The following TG variants were observed in gnomAD, a reference collection of about 807,000 sequenced individuals.
TG encodes thyroid hormones.
TG carries 270 observed loss-of-function variants against 324.7 expected under a neutral mutation model. That is an observed-to-expected ratio of 0.83 (90% CI 0.75 to 0.92). TG has a LOEUF of 0.92. Ranked by LOEUF, TG falls within the 40% of genes least tolerant of loss-of-function variation. The pLI is 0.00. For missense variants in TG, 3,591 were observed against 3,456.4 expected, an observed-to-expected ratio of 1.04 and a Z score of -0.98; for synonymous variants, 1,401 against 1,327.0, an observed-to-expected ratio of 1.06 and a Z score of -1.21.
At chr8:133,038,808 G>A (rs569406726) in intron 41 of TG, 21 of 993,180 alleles carry the variant, frequency 2.1e-5, no homozygotes, top group African/African-American at 1.8e-4. Context: ...GGAGATAAAG[G>A]GCAAGAGAAT....
At chr8:132,893,569 TGTGTGTGTGTG>T (rs1399276581) in intron 10 of TG, 110 bp from the exon 11 acceptor site, 116 of 1,147,954 alleles carry the variant, frequency 1.0e-4, no homozygotes, top group South Asian at 3.1e-4. Flanking sequence ...ATGTGTGTGG[TGTGTGTGTGTG>T]GTGTGTGTGT....
chr8:132,897,862 GAGGCAAGTGA>G (rs1292643990), intron 12 of TG, 76 bp downstream of exon 12: 1 of 1,559,428 alleles, frequency 6.4e-7, no homozygotes, highest in East Asian at 2.3e-5. Context: ...CCCACACTGG[GAGGCAAGTGA>G]GCTGGACTCT....
intron 41 of TG, among the ~76,000 whole-genome samples, chr8:133,079,419 T>C (rs1299799928): frequency 1.3e-5 from 2 of 152,210 alleles, no homozygotes; most frequent in Non-Finnish European, 2.9e-5. Context: ...TTCCCCTATG[T>C]AAAAACTAGC....
intron 43 of TG, among the ~76,000 whole-genome samples, chr8:133,098,747 A>C (rs1397743105): frequency 6.6e-6 from 1 of 152,214 alleles, no homozygotes; most frequent in East Asian, 1.9e-4. Flanking sequence ...AATGCCATCC[A>C]TCAGGGAGGG....
At chr8:133,077,209 T>G (rs1325511032) in intron 41 of TG, among the ~76,000 whole-genome samples, 1 of 152,092 alleles carries the variant, frequency 6.6e-6, no homozygotes, top group Non-Finnish European at 1.5e-5. Context: ...TAAAAGTTTT[T>G]GGGAAAGACA....
Position 132,923,460 on chromosome 8 carries a change from C to T in TG, c.4651C>T (p.Leu1551=), listed in dbSNP as rs749372180. 2 of 1,613,904 alleles carry T rather than the reference C, an allele frequency of 1.2e-6. No individual in the cohort carries two copies. The highest frequency in any genetic ancestry group is 2.7e-5 in the African/African-American group (2 of 74,888). Residue 1551 remains leucine (L), a synonymous_variant, in exon 22 of 48, where the codon CTG becomes TTG. Transcript: ENST00000220616. The part of the protein sequence containing the change: ...AFCVDGEGRR[L]PWWETEAPLE... Reference sequence around the variant, plus strand: ...CTGTGTGGACGGCGAGGGGCGGAGGCTGCCATGGTGGGAAACAGAGGCCCC... The same window carrying T: ...CTGTGTGGACGGCGAGGGGCGGAGGTTGCCATGGTGGGAAACAGAGGCCCC...
Position 132,901,230 on chromosome 8 carries a change from C to T in TG, c.3434-123C>T, listed in dbSNP as rs775254516. On this transcript the variant is annotated intron_variant, in intron 15 of 47. Transcript: ENST00000220616. ...CTCCTGGTGGGGAGGCAGCCCCAGA[C>T]CCCTGGAAGGCCCTGCAGGCAGGTG... is the stretch of plus-strand genomic sequence containing the variant. 2.5e-5 allele frequency: 29 copies of T among 1,151,076 alleles called. No homozygotes were observed. The South Asian group carries it at 2.8e-4, about 11-fold the overall frequency. The allele number at this position is 1,151,076 out of a possible 1,614,324, so 71.3% of individuals were successfully genotyped here.
At chr8:132,906,549 C>T in intron 16 of TG, 139 bp from the exon 17 acceptor site, 1 of 961,770 alleles carries the variant, frequency 1.0e-6, no homozygotes, top group South Asian at 1.6e-5. Flanking sequence ...CAGGCCAGGC[C>T]CTGAGAGCTT....
intron 37 of TG, among the ~76,000 whole-genome samples, chr8:133,017,390 TG>T (rs1835136698): frequency 6.7e-6 from 1 of 150,322 alleles, no homozygotes; most frequent in African/African-American, 2.5e-5. Flanking sequence ...ACCACAGAAA[TG>T]TTGGCTGTGT....
At chr8:133,004,761 A>G (rs1347025954) in intron 35 of TG, among the ~76,000 whole-genome samples, 3 of 152,116 alleles carry the variant, frequency 2.0e-5, no homozygotes, top group Non-Finnish European at 4.4e-5. Context: ...CTGGAGGACC[A>G]TAGGTGGTGA....
chr8:132,887,214 GCTATT>G lies in TG; in HGVS notation c.1843_1847del (p.Leu615CysfsTer11), dbSNP rs1395050090. ...AGACCTGTGAGCAGACACCTGAAAGGCTATTTGTCCCATCATGCACGACAGAAGGA... is the reference window on the plus strand; with the variant it reads ...AGACCTGTGAGCAGACACCTGAAAGGTGTCCCATCATGCACGACAGAAGGA... On this transcript the variant is annotated frameshift_variant, in exon 9 of 48. Coordinates refer to ENST00000220616, the MANE Select transcript of TG (RefSeq NM_003235.5). LOFTEE classifies it high-confidence loss of function. The G allele has an allele frequency of 1.2e-6, 2 of 1,611,438 alleles. No individual in the cohort carries two copies. The highest frequency in any genetic ancestry group is 1.3e-5 in the African/African-American group (1 of 74,756).
Position 133,037,230 on chromosome 8 carries a change from T to C in TG, c.7239+7207T>C, listed in dbSNP as rs559653251. On this transcript the variant is annotated intron_variant, in intron 41 of 47. Coordinates refer to ENST00000220616, the MANE Select transcript of TG (RefSeq NM_003235.5). Reference sequence around the variant, plus strand: ...CATCTGCAGCCCACTCTCTTCCTAGTAGGATTTGGATGGGAGCTTCTCCTT... The same window carrying C: ...CATCTGCAGCCCACTCTCTTCCTAGCAGGATTTGGATGGGAGCTTCTCCTT... 6 of 152,330 alleles carry C rather than the reference T, an allele frequency of 3.9e-5. 1 individual carries two copies. Among genetic ancestry groups the C allele is most frequent in the Middle Eastern group, 3.4e-3 (1 of 294 alleles). 9.4% of individuals were successfully genotyped at this position (152,330 alleles called of 1,614,324 possible).
intron 12 of TG, 53 bp downstream of exon 12, chr8:132,897,839 T>G (rs192322829): frequency 1.2e-6 from 2 of 1,607,122 alleles, no homozygotes; most frequent in Non-Finnish European, 1.7e-6. Flanking sequence ...TTTTTTATTT[T>G]AGAGGACAGA....
At chr8:132,919,661 A>T (rs1243296810) in intron 21 of TG, 136 bp downstream of exon 21, 50 of 1,224,280 alleles carry the variant, frequency 4.1e-5, no homozygotes, top group Non-Finnish European at 5.9e-5. Context: ...GCTTGGTAGG[A>T]TATTTAGTAG....
intron 11 of TG, 97 bp downstream of exon 11, chr8:132,894,026 T>C: frequency 6.3e-7 from 1 of 1,596,126 alleles, no homozygotes. Context: ...CTTTGTGGTT[T>C]GGCTTCCCCA....
chr8:133,110,093 T>C (rs1243895492), intron 43 of TG, among the ~76,000 whole-genome samples: 1 of 152,134 alleles, frequency 6.6e-6, no homozygotes, highest in Non-Finnish European at 1.5e-5. Context: ...GAAGGCAGAT[T>C]ATGCCTGCCA....
chr8:132,881,863 G>A lies in TG; in HGVS notation c.639G>A (p.Arg213=), dbSNP rs778067013. 2 of 1,608,502 alleles carry A rather than the reference G, an allele frequency of 1.2e-6. No homozygotes were observed. Among genetic ancestry groups the A allele is most frequent in the African/African-American group, 2.7e-5 (2 of 74,808 alleles). The stretch of plus-strand genomic sequence containing the variant: ...GACCGTAAATCTCATTCTCTCCAAG[G>A]TTTCCAGATGCATTTGTGACCTTCA... ...MIFDLVHSYN[R]FPDAFVTFSS... Residue 213 remains arginine, a splice_region_variant and synonymous_variant, in exon 6 of 48, where the codon AGG becomes AGA. Coordinates refer to ENST00000220616, the MANE Select transcript of TG (RefSeq NM_003235.5).
intron 25 of TG, among the ~76,000 whole-genome samples, chr8:132,936,464 T>C (rs1189756600): frequency 3.9e-5 from 6 of 152,218 alleles, no homozygotes; most frequent in Non-Finnish European, 7.3e-5. Flanking sequence ...GCCTTTCTAA[T>C]CACCCCTTAG....
At chr8:132,871,194 T>A (rs377580255) in intron 3 of TG, among the ~76,000 whole-genome samples, 154 bp from the exon 4 acceptor site, 1 of 152,190 alleles carries the variant, frequency 6.6e-6, no homozygotes, top group African/African-American at 2.4e-5. Context: ...TAGCTAGGCC[T>A]GTTCTGTGGC....
Sources: gnomAD v4.1 joint callset for allele counts (sites outside exome capture counted in the v4.1 genomes callset) on GRCh38, gnomAD v4.1.1 for gene constraint, MANE v1.5 for transcripts, NCBI Gene and HGNC (gene_info 2026-07-23, HGNC 2026-07-21) for gene names.